KLHL3: variants seen among roughly 807,000 people sequenced by gnomAD.
KLHL3 encodes kelch like family member 3.
In KLHL3, 19 loss-of-function variants were observed where a neutral mutation model predicts 70.5. That is an observed-to-expected ratio of 0.27 (90% CI 0.19 to 0.40). The LOEUF is 0.40. KLHL3 is among the 10% of genes least tolerant of loss of function. The probability of loss-of-function intolerance (pLI) is 1.00; values close to 1 mark genes in which losing one functional copy is unlikely to be tolerated. For synonymous variants in KLHL3, 258 were observed against 290.3 expected (o/e 0.89, Z 1.13); for missense variants, 512 against 771.1 (o/e 0.66, Z 3.98).
At chr5:137,705,803 G>A (rs111919923) in intron 3 of KLHL3, among the ~76,000 whole-genome samples, 1 of 152,238 alleles carries the variant, frequency 6.6e-6, no homozygotes, top group Non-Finnish European at 1.5e-5. Flanking sequence ...ATGATAAAGA[G>A]AGAAACACTG....
chr5:137,716,957 G>A (rs1404459578), intron 2 of KLHL3, among the ~76,000 whole-genome samples: 1 of 152,150 alleles, frequency 6.6e-6, no homozygotes, highest in Non-Finnish European at 1.5e-5. Flanking sequence ...TTAATCAAGG[G>A]TCCCCTTGGC....
chr5:137,677,671 A>AG lies in KLHL3; in HGVS notation c.527-18_527-17insC. The AG allele has an allele frequency of 6.6e-7, 1 of 1,511,872 alleles. No homozygotes were observed. Among genetic ancestry groups the AG allele is most frequent in the Non-Finnish European group, 8.9e-7 (1 of 1,122,148 alleles). 93.7% of individuals were successfully genotyped at this position (1,511,872 alleles called of 1,614,324 possible). On this transcript the variant is annotated splice_polypyrimidine_tract_variant and intron_variant, in intron 5 of 14. Transcript: ENST00000309755. ...AGTGCTGCTCTGTTCCAAAAAAAAA[A>AG]AAAAGAAGTTAAGAAAACAAAGTTG...
Position 137,697,780 on chromosome 5 carries a change from G to A in KLHL3, c.363+507C>T, listed in dbSNP as rs1365327259. On this transcript the variant is annotated intron_variant, in intron 4 of 14. Coordinates refer to ENST00000309755, the MANE Select transcript of KLHL3 (RefSeq NM_017415.3). ...TTTGTAAACACTTTGTATTTTACAG[G>A]AAAAAAAAGTTATTAAATAAATACA... Among the ~76,000 whole-genome samples, 3 of 151,850 alleles carry A rather than the reference G, an allele frequency of 2.0e-5. No homozygotes were observed. In the East Asian group the frequency reaches 5.8e-4, roughly 29 times the overall value.
intron 14 of KLHL3, among the ~76,000 whole-genome samples, chr5:137,624,142 A>C (rs901331480): frequency 6.6e-6 from 1 of 152,204 alleles, no homozygotes; most frequent in African/African-American, 2.4e-5. Context: ...TGCTATTACA[A>C]GTAAGGCCCC....
In KLHL3 at chr5:137,729,207, T is replaced by C. The variant is rs571053293; in HGVS notation, c.14+6426A>G. 2.0e-5 allele frequency among the ~76,000 whole-genome samples: 3 copies of C among 151,330 alleles called. No homozygotes were observed. In the South Asian group the frequency reaches 6.3e-4, roughly 32 times the overall value. The stretch of plus-strand genomic sequence containing the variant: ...CATTATGTTCAAGCTAGAGATGAGA[T>C]GGAATAAAGAGGCAAAACCACTCAA... On this transcript the variant is annotated intron_variant, in intron 1 of 14. Transcript: ENST00000309755.
At chr5:137,629,423 A>G (rs1750573337) in intron 12 of KLHL3, 1 of 152,202 alleles carries the variant, frequency 6.6e-6, no homozygotes, top group Non-Finnish European at 1.5e-5. Context: ...ATCGACTGGG[A>G]AGCTTTTTGA....
Position 137,661,928 on chromosome 5 carries a change from TC to T in KLHL3, c.739del (p.Asp247ThrfsTer3). The T allele has an allele frequency of 6.3e-7, 1 of 1,595,660 alleles. No individual in the cohort carries two copies. Among genetic ancestry groups the T allele is most frequent in the Non-Finnish European group, 8.6e-7 (1 of 1,163,278 alleles). ...TACAACACTCACTTGGACTAGGTAG[TC>T]CCTAGGTAAGAGAGGAAGTCGGACA... The part of the protein sequence containing the change: ...EHVRLPLLPR[D>X]YLVQTVEEEA... On this transcript the variant is annotated frameshift_variant, in exon 7 of 15. Transcript: ENST00000309755. LOFTEE classifies it high-confidence loss of function.
At chr5:137,731,027 G>GA (rs35709180) in intron 1 of KLHL3, among the ~76,000 whole-genome samples, 25,819 of 145,210 alleles carry the variant, frequency 0.18, 3,020 homozygotes, top group East Asian at 0.59. Flanking sequence ...TCCAGAAATT[G>GA]AAAAAAAAAA....
At position 137,621,971 on chromosome 5, in the gene KLHL3, A is replaced by G; in HGVS notation, c.*127T>C. 1.0e-6 allele frequency: 1 copy of G among 964,442 alleles called. No homozygotes were observed. The highest frequency in any genetic ancestry group is 1.3e-5 in the South Asian group (1 of 75,302). The allele number at this position is 964,442 out of a possible 1,614,324, so 59.7% of individuals were successfully genotyped here. A position where few individuals can be genotyped will look rare whatever the true frequency, so the allele number is the denominator to read the frequency against. ...GAACAACACCAGTCTGCCAAGTCAG[A>G]GGAGAGCGGTTCTCACAGCAGCACA... On this transcript the variant is annotated 3_prime_UTR_variant, in exon 15 of 15. Transcript: ENST00000309755.
intron 12 of KLHL3, among the ~76,000 whole-genome samples, chr5:137,632,937 T>C (rs7727957): frequency 0.011 from 1,738 of 151,684 alleles, 33 homozygotes; most frequent in African/African-American, 0.04. Context: ...ATCAGAAAAA[T>C]GAAGATTAAA....
At chr5:137,653,397 T>C (rs1751258845) in intron 8 of KLHL3, among the ~76,000 whole-genome samples, 1 of 152,200 alleles carries the variant, frequency 6.6e-6, no homozygotes, top group African/African-American at 2.4e-5. Flanking sequence ...AAAGAATGTT[T>C]ACAACTCAAT....
intron 6 of KLHL3, among the ~76,000 whole-genome samples, chr5:137,662,729 T>C (rs1312275581): frequency 6.6e-6 from 1 of 152,126 alleles, no homozygotes; most frequent in Non-Finnish European, 1.5e-5. Flanking sequence ...CAGATAAAAT[T>C]CAACGTTGGA....
intron 6 of KLHL3, among the ~76,000 whole-genome samples, chr5:137,662,455 C>T (rs1336493696): frequency 6.6e-6 from 1 of 152,136 alleles, no homozygotes; most frequent in Non-Finnish European, 1.5e-5. Context: ...TCTCCCCATG[C>T]CCCCGTTTCC....
intron 8 of KLHL3, among the ~76,000 whole-genome samples, chr5:137,644,011 T>C (rs963359660): frequency 7.2e-5 from 11 of 152,144 alleles, no homozygotes; most frequent in African/African-American, 2.2e-4. Context: ...GGTTATTTCA[T>C]TTAACATAAT....
At position 137,621,347 on chromosome 5, in the gene KLHL3, C is replaced by T. The variant is rs1750288735; in HGVS notation, c.*751G>A. 1 of 152,600 alleles carries T rather than the reference C, an allele frequency of 6.6e-6. No individual in the cohort carries two copies. Among genetic ancestry groups the T allele is most frequent in the Admixed American group, 6.5e-5 (1 of 15,276 alleles). 9.5% of individuals were successfully genotyped at this position (152,600 alleles called of 1,614,324 possible). On this transcript the variant is annotated 3_prime_UTR_variant, in exon 15 of 15. Coordinates refer to ENST00000309755, the MANE Select transcript of KLHL3 (RefSeq NM_017415.3). ...GGCCTGGAATCTATGACATCAAAGA[C>T]CAATGGCCTAAACCTGAAGACTGGG...
Position 137,621,911 on chromosome 5 carries a change from G to T in KLHL3, c.*187C>A. ...AGGGCATAGGCCAGAGCACCTCAGG[G>T]GAACGGGGGTGGGTAATGGTGTCCA... On this transcript the variant is annotated 3_prime_UTR_variant, in exon 15 of 15. Coordinates refer to ENST00000309755, the MANE Select transcript of KLHL3 (RefSeq NM_017415.3). 1.5e-6 allele frequency: 1 copy of T among 655,384 alleles called. No homozygotes were observed. The highest frequency in any genetic ancestry group is 2.7e-5 in the East Asian group (1 of 37,154). The allele number at this position is 655,384 out of a possible 1,614,324, so 40.6% of individuals were successfully genotyped here.
At chr5:137,667,421 A>T (rs1751639929) in intron 6 of KLHL3, among the ~76,000 whole-genome samples, 2 of 152,218 alleles carry the variant, frequency 1.3e-5, no homozygotes, top group African/African-American at 4.8e-5. Flanking sequence ...TTCCTCACTG[A>T]TTAATGTCCT....
intron 12 of KLHL3, among the ~76,000 whole-genome samples, chr5:137,631,407 A>G (rs6860437): frequency 0.98 from 149,304 of 152,336 alleles, 73,254 homozygotes; most frequent in East Asian, 1. Context: ...CATTTTCTTC[A>G]CATGTTGGGG....
chr5:137,701,028 C>T (rs189867555), intron 3 of KLHL3, among the ~76,000 whole-genome samples: 9 of 151,982 alleles, frequency 5.9e-5, no homozygotes, highest in Admixed American at 5.9e-4. Context: ...AATTATAAAA[C>T]TGGCATTTCT....
Sources: gnomAD v4.1 joint callset for allele counts (sites outside exome capture counted in the v4.1 genomes callset) on GRCh38, gnomAD v4.1.1 for gene constraint, MANE v1.5 for transcripts, NCBI Gene and HGNC (gene_info 2026-07-23, HGNC 2026-07-21) for gene names.